Variants in ZFP57 observed in about 807,000 individuals in gnomAD.
The protein encoded by ZFP57 is zinc finger protein 57 homolog.
Under a neutral mutation model 15.8 loss-of-function variants are expected in ZFP57, and 12 were observed. That is an observed-to-expected ratio of 0.76 (90% CI 0.49 to 1.23). The LOEUF is 1.23. Ranked by LOEUF, ZFP57 falls within the 50% of genes most tolerant of loss-of-function variation. The pLI is 0.00. For synonymous variants in ZFP57, 203 were observed against 242.3 expected (o/e 0.84, Z 1.51); for missense variants, 536 against 654.9 (o/e 0.82, Z 1.98).
chr6:29,673,742 C>T lies in ZFP57; in HGVS notation c.369G>A (p.Glu123=). 6.2e-7 allele frequency: 1 copy of T among 1,613,024 alleles called. No individual in the cohort carries two copies. Among genetic ancestry groups the T allele is most frequent in the Non-Finnish European group, 8.5e-7 (1 of 1,180,040 alleles). ...TCAGACTGGGATGTTGTTCTCGAAG[C>T]TCTTTCTTCTTGCCTTCTACAGTGA... ...TEGLSEGKKK[E]LREQHPSLRD... is the part of the protein sequence containing the mutation. Residue 123 remains glutamate, a synonymous_variant, in exon 5 of 5, where the codon GAG becomes GAA. Coordinates refer to ENST00000376883, the MANE Select transcript of ZFP57 (RefSeq NM_001109809.5). The surrounding 1 kb of genome is among the most constrained non-coding windows in gnomAD (Gnocchi z 4.7).
At chr6:29,674,192 A>C (rs1297045731) in intron 4 of ZFP57, among the ~76,000 whole-genome samples, 1 of 148,864 alleles carries the variant, frequency 6.7e-6, no homozygotes, top group Non-Finnish European at 1.5e-5. Flanking sequence ...AAGGAAGAAG[A>C]AGAAGAAGAA....
intron 4 of ZFP57, among the ~76,000 whole-genome samples, chr6:29,674,202 AAAG>A (rs1326848096): frequency 7.3e-6 from 1 of 136,504 alleles, no homozygotes; most frequent in East Asian, 2.1e-4. Flanking sequence ...AAGAAGAAGA[AAAG>A]AAAAGAAGAA....
At position 29,675,981 on chromosome 6, in the gene ZFP57, G is replaced by T; in HGVS notation, c.202C>A (p.Leu68Ile). 6.2e-7 allele frequency: 1 copy of T among 1,613,472 alleles called. No individual in the cohort carries two copies. The highest frequency in any genetic ancestry group is 8.5e-7 in the Non-Finnish European group (1 of 1,180,024). The part of the protein sequence containing the change: ...WDCLDASQRV[L>I]YQDVMSETFK... ...GTTTCCGACATAACATCCTGGTAAA[G>T]GACCCTCTGGCTGGCATCTAGACAG... is the stretch of plus-strand genomic sequence containing the variant. The change falls in exon 3 of 5, where the codon CTT (leucine) becomes ATT (isoleucine). Residue 68 changes from leucine (L) to isoleucine (I), a missense_variant. By Grantham distance (5) the Leu-to-Ile change is conservative. Transcript: ENST00000376883.
chr6:29,680,349 C>G (rs2747428), intron 1 of ZFP57, among the ~76,000 whole-genome samples: 33,504 of 152,004 alleles, frequency 0.22, 3,807 homozygotes, highest in East Asian at 0.33. Flanking sequence ...CACAGCAATT[C>G]TGAGAATGAT....
At chr6:29,679,905 ACAAAC>A (rs1216973722) in intron 1 of ZFP57, among the ~76,000 whole-genome samples, 2 of 97,300 alleles carry the variant, frequency 2.1e-5, no homozygotes, top group Admixed American at 1.2e-4. Context: ...AAACAAACAA[ACAAAC>A]AAAAAAAAAC....
rs1772051503 is a variant in ZFP57, at chr6:29,676,069, C to T, written c.124-10G>A. 2.6e-6 allele frequency: 4 copies of T among 1,559,176 alleles called. No homozygotes were observed. Among genetic ancestry groups the T allele is most frequent in the East Asian group, 2.5e-5 (1 of 39,394 alleles). ...CAAAGGTGACTGGCTTCTGGAAGAA[C>T]AGGAGAGACTCAAGAAGTTTATATA... On this transcript the variant is annotated splice_polypyrimidine_tract_variant and intron_variant, in intron 2 of 4. Coordinates refer to ENST00000376883, the MANE Select transcript of ZFP57 (RefSeq NM_001109809.5).
At chr6:29,677,857 C>T (rs387642) in intron 1 of ZFP57, among the ~76,000 whole-genome samples, 33,471 of 151,816 alleles carry the variant, frequency 0.22, 3,823 homozygotes, top group East Asian at 0.33. Context: ...GTTTTGCTTT[C>T]CAATGCTTCA....
Position 29,673,681 on chromosome 6 carries a change from C to G in ZFP57, c.430G>C (p.Ala144Pro), listed in dbSNP as rs778657283. ...GGGCACTGGCCGGCCCCTCTGCATG[C>G]AAGGAAGACCTTGTCATCACTAGTC... ...EGTSDDKVFL[A>P]CRGAGQCPLS... is the part of the protein sequence containing the mutation. The change falls in exon 5 of 5, where the codon GCA becomes CCA. Residue 144 changes from alanine (A) to proline (P), a missense_variant. Physicochemically the swap from Ala to Pro is conservative, Grantham distance 27. Coordinates refer to ENST00000376883, the MANE Select transcript of ZFP57 (RefSeq NM_001109809.5). The surrounding 1 kb of genome is among the most constrained non-coding windows in gnomAD (Gnocchi z 4.7). 1 of 1,612,830 alleles carries G rather than the reference C, an allele frequency of 6.2e-7. No homozygotes were observed. Among genetic ancestry groups the G allele is most frequent in the Admixed American group, 1.7e-5 (1 of 60,002 alleles).
Position 29,672,575 on chromosome 6 carries a change from C to CT in ZFP57, c.1535_1536insA (p.Arg513GlufsTer24). 6.2e-7 allele frequency: 1 copy of CT among 1,612,872 alleles called. No individual in the cohort carries two copies. Among genetic ancestry groups the CT allele is most frequent in the Non-Finnish European group, 8.5e-7 (1 of 1,179,912 alleles). On this transcript the variant is annotated frameshift_variant, in exon 5 of 5. Transcript: ENST00000376883. LOFTEE classifies it low-confidence loss of function (END_TRUNC). ...AGGCCTTCTCTCTTAGGCCTCTTCT[C>CT]CTGGGGGTATGGATCCTGGGGGGAG...
chr6:29,676,793 T>C, intron 2 of ZFP57, 88 bp downstream of exon 2: 1 of 1,542,302 alleles, frequency 6.5e-7, no homozygotes. Context: ...ATCTGAGATT[T>C]CATTTGACCT....
intron 2 of ZFP57, among the ~76,000 whole-genome samples, chr6:29,676,535 CA>C (rs376004982): frequency 4.5e-4 from 28 of 62,540 alleles, no homozygotes; most frequent in East Asian, 9.9e-4. Flanking sequence ...GACTCCGTCT[CA>C]AAAAAAAAAA....
In ZFP57 at chr6:29,673,307, G is replaced by A. The variant is rs1562221514; in HGVS notation, c.804C>T (p.Phe268=). Reference sequence around the variant, plus strand: ...GGCGTTTGAGCTCAGACTGGTCCCGGAAGCTCTTCCCACACACAGAGCATG... The same window carrying A: ...GGCGTTTGAGCTCAGACTGGTCCCGAAAGCTCTTCCCACACACAGAGCATG... ...PHSCSVCGKS[F]RDQSELKRHQ... Residue 268 remains phenylalanine, a synonymous_variant, in exon 5 of 5, where the codon TTC becomes TTT. Transcript: ENST00000376883. The surrounding 1 kb of genome is among the most constrained non-coding windows in gnomAD (Gnocchi z 4.7). 1 of 1,613,006 alleles carries A rather than the reference G, an allele frequency of 6.2e-7. No homozygotes were observed. Among genetic ancestry groups the A allele is most frequent in the Non-Finnish European group, 8.5e-7 (1 of 1,180,026 alleles).
intron 1 of ZFP57, among the ~76,000 whole-genome samples, chr6:29,678,259 G>A (rs1294242969): frequency 6.6e-6 from 1 of 152,242 alleles, no homozygotes; most frequent in African/African-American, 2.4e-5. Flanking sequence ...GACATTCTGA[G>A]TAGTGTGATG....
At position 29,672,855 on chromosome 6, in the gene ZFP57, T is replaced by C; in HGVS notation, c.1256A>G (p.Lys419Arg). 6.2e-7 allele frequency: 1 copy of C among 1,613,094 alleles called. No homozygotes were observed. The highest frequency in any genetic ancestry group is 8.5e-7 in the Non-Finnish European group (1 of 1,180,040). The change falls in exon 5 of 5, where the codon AAG (lysine) becomes AGG (arginine). Residue 419 changes from lysine to arginine, a missense_variant. By Grantham distance (26) the Lys-to-Arg change is conservative. Transcript: ENST00000376883. ...CAGCCTGGAAAATGAGCTGAAAGAC[T>C]TGCTGCAATGGAAGCAGTAGTTGGG... The part of the protein sequence containing the change: ...EPPNYCFHCS[K>R]SFSSFSRLVR...
chr6:29,672,941 A>G lies in ZFP57; in HGVS notation c.1170T>C (p.Ser390=). ...RLNVFCCPHC[S]LTFSKKSYLS... Reference sequence around the variant, plus strand: ...GATAGGATTTCTTGCTAAAAGTCAAAGAACAATGGGGGCAACAGAAGACAT... The same window carrying G: ...GATAGGATTTCTTGCTAAAAGTCAAGGAACAATGGGGGCAACAGAAGACAT... Residue 390 remains serine (S), a synonymous_variant, in exon 5 of 5, where the codon TCT becomes TCC. Coordinates refer to ENST00000376883, the MANE Select transcript of ZFP57 (RefSeq NM_001109809.5). 2 of 1,613,094 alleles carry G rather than the reference A, an allele frequency of 1.2e-6. No homozygotes were observed. The highest frequency in any genetic ancestry group is 1.7e-6 in the Non-Finnish European group (2 of 1,180,038).
At chr6:29,678,300 C>T (rs893931994) in intron 1 of ZFP57, among the ~76,000 whole-genome samples, 1 of 152,232 alleles carries the variant, frequency 6.6e-6, no homozygotes, top group African/African-American at 2.4e-5. Flanking sequence ...CTGGCCTGCC[C>T]AGGATGTGAA....
intron 4 of ZFP57, among the ~76,000 whole-genome samples, chr6:29,674,140 G>A (rs1771933278): frequency 6.7e-6 from 1 of 148,514 alleles, no homozygotes. Flanking sequence ...AGAAGGAGAA[G>A]GAGAAGAAGG....
At position 29,677,007 on chromosome 6, in the gene ZFP57, C is replaced by T. The variant is rs752060415; in HGVS notation, c.-4G>A. On this transcript the variant is annotated 5_prime_UTR_variant, in exon 2 of 5. Coordinates refer to ENST00000376883, the MANE Select transcript of ZFP57 (RefSeq NM_001109809.5). ...TTGGCTTCAGCTGTTCAAACATCTT[C>T]TCTTCTGTGGTGTCTCTTTCTAGCT... 1.9e-6 allele frequency: 3 copies of T among 1,614,030 alleles called. No homozygotes were observed. Among genetic ancestry groups the T allele is most frequent in the South Asian group, 2.2e-5 (2 of 91,086 alleles).
At chr6:29,672,466 A>G, downstream of ZFP57, 1 of 1,612,762 alleles carries the variant, frequency 6.2e-7, no homozygotes, top group East Asian at 2.2e-5. Flanking sequence ...CAGGAAAACT[A>G]AACACAAAGA....
Sources: gnomAD v4.1 joint callset for allele counts (sites outside exome capture counted in the v4.1 genomes callset) on GRCh38, gnomAD v4.1.1 for gene constraint, Gnocchi (gnomAD v3.1) non-coding constraint, MANE v1.5 for transcripts, NCBI Gene and HGNC (gene_info 2026-07-23, HGNC 2026-07-21) for gene names.